The following MBP variants were observed in gnomAD, a reference collection of about 807,000 sequenced individuals.
The protein encoded by MBP is myelin basic protein.
A neutral mutation model predicts 35.8 loss-of-function variants in MBP; 16 were observed. That is an observed-to-expected ratio of 0.45 (90% CI 0.30 to 0.68). MBP has a LOEUF of 0.68. Ranked by LOEUF, MBP falls within the 30% of genes least tolerant of loss-of-function variation. The pLI is 0.08. For synonymous variants in MBP, 143 were observed against 159.6 expected, an observed-to-expected ratio of 0.90 and a Z score of 0.78; for missense variants, 380 against 404.7, an observed-to-expected ratio of 0.94 and a Z score of 0.52.
intron 1 of MBP, among the ~76,000 whole-genome samples, chr18:77,115,972 T>C (rs1976648014): frequency 6.7e-6 from 1 of 149,760 alleles, no homozygotes; most frequent in Non-Finnish European, 1.5e-5. Context: ...GGGCCCCACA[T>C]CTTCACATGA....
intron 3 of MBP, among the ~76,000 whole-genome samples, chr18:77,037,970 G>T (rs1972844864): frequency 6.6e-6 from 1 of 152,248 alleles, no homozygotes; most frequent in East Asian, 1.9e-4. Flanking sequence ...TCGCAGTAGG[G>T]AATGATAAGG....
chr18:77,111,194 C>T (rs73970915), intron 1 of MBP, among the ~76,000 whole-genome samples: 7 of 152,244 alleles, frequency 4.6e-5, no homozygotes, highest in African/African-American at 9.6e-5. Flanking sequence ...CACAGCATCA[C>T]CCAGCATCCA....
Position 77,047,618 on chromosome 18 carries a change from G to A in MBP, c.139+18680C>T, listed in dbSNP as rs147614846. On this transcript the variant is annotated intron_variant, in intron 3 of 8. Transcript: ENST00000355994. ...ACCGTTAATGTGTACACTGAAAATG[G>A]CTGAACTCTGTGGTTTGTAAATTAT... 8.1e-3 allele frequency among the ~76,000 whole-genome samples: 1,234 copies of A among 152,306 alleles called. 15 individuals carry two copies. The highest frequency in any genetic ancestry group is 0.028 in the African/African-American group (1,179 of 41,554).
rs118137684 is a variant in MBP at position 77,062,012 on chromosome 18, G to A, written c.139+4286C>T. On this transcript the variant is annotated intron_variant, in intron 3 of 8. Transcript: ENST00000355994. ...AGACGCGGGCTGGTGACGTTTTCAC[G>A]GTAGGACATCCATCCTCTGTGGCAC... Among the ~76,000 whole-genome samples the A allele has an allele frequency of 5.3e-3, 811 of 152,298 alleles. 14 individuals are homozygous for A. The highest frequency in any genetic ancestry group is 0.043 in the East Asian group (223 of 5,182).
chr18:77,015,180 A>T (rs1971556136), intron 4 of MBP: 1 of 985,274 alleles, frequency 1.0e-6, no homozygotes, highest in African/African-American at 1.7e-5. Context: ...ATTTTATTTC[A>T]ACTTAAACCA....
chr18:77,071,419 C>T (rs1039286548), intron 2 of MBP, among the ~76,000 whole-genome samples: 1 of 151,744 alleles, frequency 6.6e-6, no homozygotes, highest in Non-Finnish European at 1.5e-5. Context: ...CTTGTCCAGC[C>T]CATCTTATTT....
chr18:76,997,767 C>T (rs1970368204), intron 4 of MBP, among the ~76,000 whole-genome samples: 1 of 150,990 alleles, frequency 6.6e-6, no homozygotes, highest in Non-Finnish European at 1.5e-5. Context: ...ACTGCAAGCT[C>T]CGCCTCCCGG....
intron 4 of MBP, among the ~76,000 whole-genome samples, chr18:77,001,144 C>G (rs1328109466): frequency 6.6e-6 from 1 of 151,958 alleles, no homozygotes; most frequent in Non-Finnish European, 1.5e-5. Flanking sequence ...ACCTGGTCCC[C>G]GCCCACCGGG....
chr18:77,082,977 A>ATTT (rs11367089), intron 2 of MBP, among the ~76,000 whole-genome samples: 1 of 149,230 alleles, frequency 6.7e-6, no homozygotes, highest in Non-Finnish European at 1.5e-5. Context: ...GGGATAGAGT[A>ATTT]TTTTTTTTTT....
At chr18:77,120,860 C>T (rs1484289657) in intron 1 of MBP, among the ~76,000 whole-genome samples, 1 of 152,166 alleles carries the variant, frequency 6.6e-6, no homozygotes, top group Non-Finnish European at 1.5e-5. Context: ...TAAAAACAAA[C>T]GAAGTTGAAT....
At chr18:77,010,535 G>T (rs1971286615) in intron 4 of MBP, among the ~76,000 whole-genome samples, 1 of 152,204 alleles carries the variant, frequency 6.6e-6, no homozygotes, top group African/African-American at 2.4e-5. Context: ...CAGAGCATGA[G>T]GAAATAATTT....
chr18:77,007,040 T>C (rs1971023120), intron 4 of MBP, among the ~76,000 whole-genome samples: 1 of 152,214 alleles, frequency 6.6e-6, no homozygotes, highest in African/African-American at 2.4e-5. Flanking sequence ...TGGTTCCGAC[T>C]CTGCTGGTTC....
chr18:77,072,992 T>C (rs1974512861), intron 2 of MBP, among the ~76,000 whole-genome samples: 1 of 152,214 alleles, frequency 6.6e-6, no homozygotes, highest in African/African-American at 2.4e-5. Context: ...CCCACTGCCA[T>C]TGCCCTGTCT....
At chr18:76,998,620 T>C (rs1440564139) in intron 4 of MBP, among the ~76,000 whole-genome samples, 1 of 152,134 alleles carries the variant, frequency 6.6e-6, no homozygotes, top group Non-Finnish European at 1.5e-5. Flanking sequence ...CCTTATTCTT[T>C]GAAGGAATAG....
chr18:77,076,314 CTT>C (rs1167902063), intron 2 of MBP, among the ~76,000 whole-genome samples: 1 of 152,250 alleles, frequency 6.6e-6, no homozygotes, highest in Non-Finnish European at 1.5e-5. Context: ...ACCGTGGCCT[CTT>C]GAGTCAACAG....
intron 2 of MBP, among the ~76,000 whole-genome samples, chr18:77,077,212 A>G (rs1416729145): frequency 2.0e-5 from 3 of 151,762 alleles, no homozygotes; most frequent in Non-Finnish European, 4.4e-5. Context: ...AATACAAAAA[A>G]TTAGCTGGGC....
rs73489045 is a variant in MBP at position 77,072,611 on chromosome 18, G to T, written c.52-6226C>A. Among the ~76,000 whole-genome samples the T allele has an allele frequency of 4.4e-3, 674 of 152,314 alleles. 5 individuals are homozygous for T. Among genetic ancestry groups the T allele is most frequent in the African/African-American group, 0.016 (648 of 41,568 alleles). On this transcript the variant is annotated intron_variant, in intron 2 of 8. Coordinates refer to ENST00000355994, the MANE Select transcript of MBP (RefSeq NM_001025101.2). Reference sequence around the variant, plus strand: ...CTTTGCAGAAGCACACAAAACTATTGAAAATGCAGATCAGTAGCATCTTAG... The same window carrying T: ...CTTTGCAGAAGCACACAAAACTATTTAAAATGCAGATCAGTAGCATCTTAG...
intron 2 of MBP, among the ~76,000 whole-genome samples, chr18:77,104,879 T>C (rs1234593935): frequency 1.3e-5 from 2 of 152,116 alleles, no homozygotes; most frequent in African/African-American, 4.8e-5. Context: ...CCTCCTGGTT[T>C]CCCTCTTTCT....
At chr18:77,041,306 A>G (rs1258667793) in intron 3 of MBP, among the ~76,000 whole-genome samples, 3 of 152,208 alleles carry the variant, frequency 2.0e-5, no homozygotes, top group Non-Finnish European at 4.4e-5. Context: ...GTGGAGAAAT[A>G]GGAACACTTT....
Sources: allele counts gnomAD v4.1 joint callset (sites outside exome capture counted in the v4.1 genomes callset), GRCh38; gene constraint gnomAD v4.1.1; transcripts MANE v1.5; gene names NCBI Gene and HGNC (gene_info 2026-07-23, HGNC 2026-07-21).